The following FBLN2 variants were observed in gnomAD, a reference collection of about 807,000 sequenced individuals.
The protein encoded by FBLN2 is fibulin-2.
Under a neutral mutation model 123.7 loss-of-function variants are expected in FBLN2, and 81 were observed. The observed-to-expected ratio is 0.65, with a 90% CI of 0.55 to 0.79. The LOEUF (loss-of-function observed/expected upper bound fraction) is 0.79. FBLN2 is among the 30% of genes least tolerant of loss of function. FBLN2 has a pLI of 0.00. For synonymous variants in FBLN2, 699 were observed against 701.4 expected (o/e 1.00, Z 0.05); for missense variants, 1,603 against 1,681.3 (o/e 0.95, Z 0.81).
At chr3:13,625,652 T>C (rs1276584784) in intron 9 of FBLN2, among the ~76,000 whole-genome samples, 1 of 151,950 alleles carries the variant, frequency 6.6e-6, no homozygotes, top group African/African-American at 2.4e-5. Flanking sequence ...CATCAGTGGG[T>C]TTTGTTGGTT....
chr3:13,626,605 T>TGGAG, intron 10 of FBLN2, 26 bp downstream of exon 10: 1 of 1,520,902 alleles, frequency 6.6e-7, no homozygotes. Flanking sequence ...AAGGACCAAC[T>TGGAG]GGAGGCCCCG....
rs1706152962 is a variant in FBLN2 at position 13,629,032 on chromosome 3, T to A, written c.2697T>A (p.Asp899Glu). 6.2e-7 allele frequency: 1 copy of A among 1,613,288 alleles called. No individual in the cohort carries two copies. The highest frequency in any genetic ancestry group is 8.5e-7 in the Non-Finnish European group (1 of 1,179,756). ...ICARGYHASD[D>E]GTKCVDVNEC... is the part of the protein sequence containing the mutation. ...CGCGCGGCTACCACGCCAGCGATGA[T>A]GGGACCAAGTGTGTGGGTAAGGCCA... The change falls in exon 12 of 18, where the codon GAT becomes GAA. Residue 899 changes from aspartate (D) to glutamate (E), a missense_variant. Coordinates refer to ENST00000404922, the MANE Select transcript of FBLN2 (RefSeq NM_001004019.2).
At chr3:13,586,280 G>A (rs547763038) in intron 2 of FBLN2, among the ~76,000 whole-genome samples, 45 of 152,128 alleles carry the variant, frequency 3.0e-4, no homozygotes, top group African/African-American at 1.1e-3. Flanking sequence ...TGCCTCCTGG[G>A]TTCAAGCTAT....
chr3:13,569,923 G>A (rs1228356424), intron 1 of FBLN2, among the ~76,000 whole-genome samples: 1 of 152,072 alleles, frequency 6.6e-6, no homozygotes, highest in Non-Finnish European at 1.5e-5. Flanking sequence ...AGGATTATGG[G>A]GCATATTGCC....
chr3:13,560,477 G>A (rs1703573406), intron 1 of FBLN2, among the ~76,000 whole-genome samples: 1 of 152,034 alleles, frequency 6.6e-6, no homozygotes, highest in African/African-American at 2.4e-5. Context: ...CTCCTCCTTG[G>A]GGTCTCACAC....
Position 13,571,610 on chromosome 3 carries a change from G to T in FBLN2, c.1255G>T (p.Glu419Ter). 6.2e-7 allele frequency: 1 copy of T among 1,611,988 alleles called. No individual in the cohort carries two copies. Among genetic ancestry groups the T allele is most frequent in the Non-Finnish European group, 8.5e-7 (1 of 1,179,042 alleles). The change falls in exon 2 of 18, where the codon GAG becomes TAG. Residue 419 changes from glutamate to a stop codon, truncating the protein, a stop_gained. Coordinates refer to ENST00000404922, the MANE Select transcript of FBLN2 (RefSeq NM_001004019.2). LOFTEE classifies it high-confidence loss of function. Reference protein sequence around the residue: ...PQVLPHSHVEEDTDPNSVHSI... With the variant: ...PQVLPHSHVE ...AGTTCTGCCCCATTCCCACGTGGAG[G>T]AGGACACAGACCCCAACTCTGTCCA...
intron 1 of FBLN2, among the ~76,000 whole-genome samples, chr3:13,563,634 C>G (rs901007922): frequency 6.6e-6 from 1 of 152,230 alleles, no homozygotes; most frequent in African/African-American, 2.4e-5. Flanking sequence ...CTGGGGAGCC[C>G]CGTCTAAGAC....
At chr3:13,620,521 T>C (rs899179163) in intron 8 of FBLN2, among the ~76,000 whole-genome samples, 9 of 152,120 alleles carry the variant, frequency 5.9e-5, no homozygotes, top group Non-Finnish European at 1.2e-4. Flanking sequence ...CCCGCCTAGG[T>C]CTGGGTCTTG....
chr3:13,581,215 T>TGGGGGGCGGG (rs1181664158), intron 2 of FBLN2, among the ~76,000 whole-genome samples: 1 of 14,494 alleles, frequency 6.9e-5, no homozygotes, highest in Non-Finnish European at 1.4e-4. Flanking sequence ...GGGCGGCAGG[T>TGGGGGGCGGG]GGGGGGTGGG....
intron 8 of FBLN2, among the ~76,000 whole-genome samples, chr3:13,621,228 A>G (rs974964241): frequency 6.6e-6 from 1 of 152,260 alleles, no homozygotes; most frequent in African/African-American, 2.4e-5. Flanking sequence ...ACTCTGCTGC[A>G]TTGGAAATAA....
chr3:13,592,985 A>G (rs1219370061), intron 2 of FBLN2, among the ~76,000 whole-genome samples: 2 of 152,176 alleles, frequency 1.3e-5, no homozygotes, highest in African/African-American at 2.4e-5. Flanking sequence ...CTCATCCTCC[A>G]TCAGCCCAGC....
chr3:13,595,001 G>T (rs1439366219), intron 2 of FBLN2, among the ~76,000 whole-genome samples: 1 of 152,210 alleles, frequency 6.6e-6, no homozygotes, highest in Admixed American at 6.5e-5. Context: ...GAGATCCTGC[G>T]GCTGCCCCGG....
intron 1 of FBLN2, among the ~76,000 whole-genome samples, chr3:13,561,834 T>C (rs1157168762): frequency 6.6e-6 from 1 of 152,242 alleles, no homozygotes; most frequent in Admixed American, 6.5e-5. Context: ...TAAAGGACTC[T>C]AGCTCAACTT....
chr3:13,574,368 G>A (rs1704064073), intron 2 of FBLN2, among the ~76,000 whole-genome samples: 1 of 152,216 alleles, frequency 6.6e-6, no homozygotes, highest in African/African-American at 2.4e-5. Context: ...CTGCCCGAGG[G>A]TTCCTCCGTG....
Position 13,571,129 on chromosome 3 carries a change from T to C in FBLN2, c.774T>C (p.Ala258=). 1 of 1,552,272 alleles carries C rather than the reference T, an allele frequency of 6.4e-7. No homozygotes were observed. The highest frequency in any genetic ancestry group is 8.7e-7 in the Non-Finnish European group (1 of 1,148,194). ...TCCTCCCCAGGCCCACAGCGGCTGC[T>C]GCCCTGGGTCCCCCAGCCCCAGTGC... ...PAVLPRPTAA[A]ALGPPAPVQA... The change falls in exon 2 of 18, where the codon GCT becomes GCC. Residue 258 remains alanine (A), a synonymous_variant. Coordinates refer to ENST00000404922, the MANE Select transcript of FBLN2 (RefSeq NM_001004019.2).
chr3:13,562,356 C>CTTT (rs377434279), intron 1 of FBLN2, among the ~76,000 whole-genome samples: 6 of 135,144 alleles, frequency 4.4e-5, no homozygotes, highest in East Asian at 2.1e-4. Context: ...ATGAAGTTTA[C>CTTT]TTTTTTTTTT....
intron 8 of FBLN2, 144 bp downstream of exon 8, chr3:13,619,975 A>T: frequency 1.6e-6 from 1 of 611,852 alleles, no homozygotes; most frequent in South Asian, 2.1e-5. Flanking sequence ...CCCCTAGTGG[A>T]GCAGGTTAAA....
At chr3:13,605,970 T>G (rs1705189752) in intron 2 of FBLN2, among the ~76,000 whole-genome samples, 1 of 152,220 alleles carries the variant, frequency 6.6e-6, no homozygotes, top group Non-Finnish European at 1.5e-5. Flanking sequence ...TCACCCAGGC[T>G]GGAGTGCAGT....
intron 2 of FBLN2, among the ~76,000 whole-genome samples, chr3:13,607,094 TCTC>T (rs750907902): frequency 2.0e-5 from 3 of 152,016 alleles, no homozygotes; most frequent in Non-Finnish European, 4.4e-5. Context: ...TTCGAGCAAT[TCTC>T]CTGCCTCAGC....
Sources: gnomAD v4.1 joint callset for allele counts (sites outside exome capture counted in the v4.1 genomes callset) on GRCh38, gnomAD v4.1.1 for gene constraint, MANE v1.5 for transcripts, NCBI Gene and HGNC (gene_info 2026-07-23, HGNC 2026-07-21) for gene names.